Variants in CSMD1 observed in about 807,000 individuals in gnomAD.
CSMD1 encodes CUB and sushi domain-containing protein 1.
In CSMD1, 213 loss-of-function variants were observed where a neutral mutation model predicts 417.5. The ratio of observed to expected loss-of-function variants is 0.51; its 90% CI spans 0.46 to 0.57. The LOEUF (loss-of-function observed/expected upper bound fraction) is 0.57. CSMD1 is among the 20% of genes least tolerant of loss of function. The pLI, the probability that CSMD1 is intolerant of heterozygous loss-of-function variation, is 0.00. For missense variants in CSMD1, 6,923 were observed against 4,529.7 expected (o/e 1.53, Z -15.17); for synonymous variants, 2,862 against 1,736.8 (o/e 1.65, Z -16.11).
intron 12 of CSMD1, among the ~76,000 whole-genome samples, chr8:3,447,407 A>G (rs1458167609): frequency 6.6e-6 from 1 of 152,238 alleles, no homozygotes; most frequent in East Asian, 1.9e-4. Context: ...GGTTTTACCC[A>G]AAGATAAACC....
intron 3 of CSMD1, among the ~76,000 whole-genome samples, chr8:4,415,220 C>A (rs938075942): frequency 1.3e-5 from 2 of 152,164 alleles, no homozygotes; most frequent in African/African-American, 4.8e-5. Flanking sequence ...CGCCTCCGCT[C>A]CCCACTGAAC....
intron 7 of CSMD1, among the ~76,000 whole-genome samples, chr8:3,690,017 A>T (rs1197923466): frequency 1.3e-5 from 2 of 152,248 alleles, no homozygotes; most frequent in East Asian, 3.9e-4. Flanking sequence ...TGGTCAGTAA[A>T]TGGAGTTCTT....
At chr8:3,561,140 A>C (rs1369372755) in intron 10 of CSMD1, among the ~76,000 whole-genome samples, 1 of 152,226 alleles carries the variant, frequency 6.6e-6, no homozygotes, top group Non-Finnish European at 1.5e-5. Flanking sequence ...ATGTCAAACA[A>C]TAACAAATGT....
intron 1 of CSMD1, among the ~76,000 whole-genome samples, chr8:4,691,017 G>C (rs938530498): frequency 1.3e-5 from 2 of 152,182 alleles, no homozygotes; most frequent in African/African-American, 2.4e-5. Flanking sequence ...ATGAGCCACC[G>C]TGACTGGCCA....
At chr8:3,907,717 A>T (rs948479324) in intron 5 of CSMD1, among the ~76,000 whole-genome samples, 3 of 152,180 alleles carry the variant, frequency 2.0e-5, no homozygotes, top group Non-Finnish European at 4.4e-5. Flanking sequence ...TGCTGCCCTG[A>T]GAAGTGTTAT....
At chr8:3,207,151 C>CA (rs1316143018) in intron 30 of CSMD1, among the ~76,000 whole-genome samples, 1 of 95,326 alleles carries the variant, frequency 1.0e-5, no homozygotes, top group Non-Finnish European at 2.1e-5. Flanking sequence ...TTTTCATTTT[C>CA]TTTTTTTTTT....
At chr8:4,213,712 G>C (rs982660000) in intron 3 of CSMD1, among the ~76,000 whole-genome samples, 3 of 152,206 alleles carry the variant, frequency 2.0e-5, no homozygotes, top group African/African-American at 7.2e-5. Context: ...GTGGGCTCCT[G>C]TGTGATTTCC....
At chr8:3,631,216 T>C (rs1333121318) in intron 7 of CSMD1, among the ~76,000 whole-genome samples, 2 of 152,208 alleles carry the variant, frequency 1.3e-5, no homozygotes, top group African/African-American at 2.4e-5. Flanking sequence ...TGTTGCTATG[T>C]GGACAGCACG....
At chr8:4,195,040 T>G (rs1799251201) in intron 3 of CSMD1, among the ~76,000 whole-genome samples, 1 of 152,200 alleles carries the variant, frequency 6.6e-6, no homozygotes, top group Non-Finnish European at 1.5e-5. Context: ...TATCTACAAT[T>G]TAAAAATTAC....
At chr8:3,180,273 A>G (rs917696452) in intron 37 of CSMD1, among the ~76,000 whole-genome samples, 1 of 152,222 alleles carries the variant, frequency 6.6e-6, no homozygotes, top group Non-Finnish European at 1.5e-5. Context: ...TCTGTCTCAC[A>G]TCCATCTTTA....
intron 46 of CSMD1, among the ~76,000 whole-genome samples, chr8:3,098,609 TGA>T (rs1385693565): frequency 6.6e-6 from 1 of 152,150 alleles, no homozygotes; most frequent in East Asian, 1.9e-4. Flanking sequence ...TTGAAACAAC[TGA>T]GTTAAAGGTC....
At chr8:3,313,512 T>C (rs1423817085) in intron 23 of CSMD1, among the ~76,000 whole-genome samples, 3 of 152,074 alleles carry the variant, frequency 2.0e-5, no homozygotes, top group African/African-American at 7.2e-5. Flanking sequence ...CATGAAAAAA[T>C]GCTCATCATC....
intron 7 of CSMD1, among the ~76,000 whole-genome samples, chr8:3,621,740 C>A (rs4875760): frequency 1.9e-4 from 28 of 151,280 alleles, no homozygotes; most frequent in Non-Finnish European, 1.8e-4. Flanking sequence ...CCACCACTCC[C>A]AGCTAATGTT....
chr8:3,832,391 A>G (rs1802428145), intron 5 of CSMD1, among the ~76,000 whole-genome samples: 1 of 152,204 alleles, frequency 6.6e-6, no homozygotes, highest in South Asian at 2.1e-4. Context: ...CATTTTCTCA[A>G]TTGAATTATT....
At chr8:4,095,308 AC>A (rs1800946246) in intron 3 of CSMD1, among the ~76,000 whole-genome samples, 1 of 152,182 alleles carries the variant, frequency 6.6e-6, no homozygotes. Flanking sequence ...TTCTGTTATT[AC>A]CTGATATAAC....
intron 26 of CSMD1, among the ~76,000 whole-genome samples, chr8:3,275,843 AT>A (rs1563214594): frequency 2.0e-4 from 30 of 151,510 alleles, no homozygotes; most frequent in African/African-American, 6.8e-4. Flanking sequence ...AACTTTTTTC[AT>A]AGTTTTCAAC....
intron 11 of CSMD1, among the ~76,000 whole-genome samples, chr8:3,469,848 T>C (rs1816984718): frequency 6.6e-6 from 1 of 152,230 alleles, no homozygotes; most frequent in Admixed American, 6.5e-5. Context: ...GGAAACTATT[T>C]CTGTGAATGC....
chr8:3,802,748 G>A (rs532469538), intron 5 of CSMD1, among the ~76,000 whole-genome samples: 5 of 152,210 alleles, frequency 3.3e-5, no homozygotes, highest in African/African-American at 4.8e-5. Flanking sequence ...TCCCAAAAGC[G>A]TGATGCAAAT....
At chr8:4,867,092 A>C (rs1802462000) in intron 1 of CSMD1, among the ~76,000 whole-genome samples, 1 of 152,088 alleles carries the variant, frequency 6.6e-6, no homozygotes, top group African/African-American at 2.4e-5. Flanking sequence ...AATTTAAGAA[A>C]ATAAAGTGAC....
Sources: allele counts gnomAD v4.1 joint callset (sites outside exome capture counted in the v4.1 genomes callset), GRCh38; gene constraint gnomAD v4.1.1; transcripts MANE v1.5; gene names NCBI Gene and HGNC (gene_info 2026-07-23, HGNC 2026-07-21).